ANKHD1: variants seen among roughly 807,000 people sequenced by gnomAD.
The protein encoded by ANKHD1 is ankyrin repeat and KH domain-containing protein 1.
ANKHD1 carries 31 observed loss-of-function variants against 230.5 expected under a neutral mutation model. The observed-to-expected ratio is 0.13, with a 90% CI of 0.10 to 0.18. The LOEUF (loss-of-function observed/expected upper bound fraction) is 0.18. ANKHD1 is among the 10% of genes least tolerant of loss of function. The pLI is 1.00. For synonymous variants in ANKHD1, 1,074 were observed against 1,117.6 expected (o/e 0.96, Z 0.78); for missense variants, 2,256 against 3,071.3 (o/e 0.73, Z 6.27).
intron 3 of ANKHD1, among the ~76,000 whole-genome samples, chr5:140,438,883 T>C (rs1428744973): frequency 6.6e-6 from 1 of 152,250 alleles, no homozygotes; most frequent in East Asian, 1.9e-4. Flanking sequence ...GAATAAGATC[T>C]GTTTTCCAGT....
chr5:140,411,542 C>T (rs1227396524), intron 1 of ANKHD1, among the ~76,000 whole-genome samples: 3 of 126,144 alleles, frequency 2.4e-5, no homozygotes, highest in Non-Finnish European at 3.2e-5. Context: ...TGTTTGAGAA[C>T]GGAGTCTCAC....
At chr5:140,449,951 G>T (rs1050953624) in intron 7 of ANKHD1, among the ~76,000 whole-genome samples, 1 of 152,064 alleles carries the variant, frequency 6.6e-6, no homozygotes, top group Non-Finnish European at 1.5e-5. Flanking sequence ...AAAGGATAAT[G>T]TAGAATCATA....
At chr5:140,526,717 A>G (rs1051397303) in intron 26 of ANKHD1, among the ~76,000 whole-genome samples, 1 of 152,146 alleles carries the variant, frequency 6.6e-6, no homozygotes, top group Non-Finnish European at 1.5e-5. Flanking sequence ...TTTATTGATT[A>G]TAGTCTAATT....
At chr5:140,510,971 A>T (rs1752741417) in intron 22 of ANKHD1, among the ~76,000 whole-genome samples, 2 of 152,032 alleles carry the variant, frequency 1.3e-5, no homozygotes, top group African/African-American at 4.8e-5. Context: ...CACAGGTGTC[A>T]CTACCATGCT....
chr5:140,480,799 C>A (rs1355460698), intron 10 of ANKHD1, among the ~76,000 whole-genome samples: 3 of 152,024 alleles, frequency 2.0e-5, no homozygotes, highest in Admixed American at 2.0e-4. Context: ...TTTAATCACT[C>A]CATTGTTTAA....
At chr5:140,419,832 T>G (rs1215664728) in intron 1 of ANKHD1, among the ~76,000 whole-genome samples, 6 of 139,152 alleles carry the variant, frequency 4.3e-5, no homozygotes, top group African/African-American at 1.6e-4. Flanking sequence ...CTTTCTTTCT[T>G]TCTTTTTCTT....
rs946364628 is a variant in ANKHD1, at chr5:140,438,041, A to G, written c.461-420A>G. On this transcript the variant is annotated intron_variant, in intron 2 of 33. Transcript: ENST00000360839. ...AAGATGGTTGTGACCAAAGGAAGAA[A>G]CAATTGAATTGTTTGTTACAGTATT... is the stretch of plus-strand genomic sequence containing the variant. Among the ~76,000 whole-genome samples the G allele has an allele frequency of 4.6e-5, 7 of 152,314 alleles. No homozygotes were observed. The South Asian group carries it at 1.2e-3, about 27-fold the overall frequency.
chr5:140,507,779 CTT>C lies in ANKHD1; in HGVS notation c.3552-4_3552-3del. ...TTTAATTTTCTAAGCACATTTCCCC[CTT>C]TAGGACTGGGAGTAAACTAGGTATT... On this transcript the variant is annotated splice_polypyrimidine_tract_variant and splice_region_variant and intron_variant, in intron 19 of 33. Coordinates refer to ENST00000360839, the MANE Select transcript of ANKHD1 (RefSeq NM_017747.3). The surrounding 1 kb of genome is among the most constrained non-coding windows in gnomAD (Gnocchi z 4.1). 2 of 1,613,834 alleles carry C rather than the reference CTT, an allele frequency of 1.2e-6. No individual in the cohort carries two copies. Among genetic ancestry groups the C allele is most frequent in the Non-Finnish European group, 1.7e-6 (2 of 1,179,820 alleles).
At chr5:140,483,544 G>A (rs957202926) in intron 11 of ANKHD1, among the ~76,000 whole-genome samples, 1 of 137,232 alleles carries the variant, frequency 7.3e-6, no homozygotes, top group Non-Finnish European at 1.5e-5. Flanking sequence ...TGCAACCTCC[G>A]CCTCCCGGGT....
At chr5:140,406,377 G>GC (rs1475537166) in intron 1 of ANKHD1, among the ~76,000 whole-genome samples, 2 of 152,144 alleles carry the variant, frequency 1.3e-5, no homozygotes, top group East Asian at 3.9e-4. Flanking sequence ...GAAATGTGGA[G>GC]CCCTAGTATT....
In ANKHD1 at chr5:140,537,582, T is replaced by C. The variant is rs1693394262; in HGVS notation, c.7221T>C (p.Ala2407=). The change falls in exon 31 of 34, where the codon GCT becomes GCC. Residue 2407 remains alanine (A), a synonymous_variant. Coordinates refer to ENST00000360839, the MANE Select transcript of ANKHD1 (RefSeq NM_017747.3). ...GAATCTGGTCATTTGGTGTCAATGC[T>C]GTGTCAGGTACAATTGCCTTGCTCT... The part of the protein sequence containing the change: ...HSGIWSFGVN[A]VSEGLSGWSQ... 3 of 1,579,802 alleles carry C rather than the reference T, an allele frequency of 1.9e-6. No individual in the cohort carries two copies. The highest frequency in any genetic ancestry group is 1.2e-5 in the South Asian group (1 of 84,800).
At chr5:140,500,837 A>G (rs1316811616) in intron 15 of ANKHD1, among the ~76,000 whole-genome samples, 2 of 151,864 alleles carry the variant, frequency 1.3e-5, no homozygotes, top group South Asian at 2.1e-4. Context: ...TCGAAATTCT[A>G]TTAATCATTT....
At chr5:140,409,085 A>G (rs1218434884) in intron 1 of ANKHD1, among the ~76,000 whole-genome samples, 2 of 152,120 alleles carry the variant, frequency 1.3e-5, no homozygotes, top group East Asian at 3.9e-4. Context: ...TAGGGACAAA[A>G]TCACTCCTGG....
intron 7 of ANKHD1, among the ~76,000 whole-genome samples, chr5:140,453,998 A>G (rs1490280279): frequency 6.6e-6 from 1 of 152,236 alleles, no homozygotes; most frequent in East Asian, 1.9e-4. Context: ...ACATAGGTTC[A>G]AAATAAAGGG....
intron 14 of ANKHD1, among the ~76,000 whole-genome samples, chr5:140,495,281 G>T (rs1046491129): frequency 1.4e-5 from 2 of 140,324 alleles, no homozygotes; most frequent in African/African-American, 5.4e-5. Context: ...ATGGAGTCTC[G>T]CTCTCTCAGG....
intron 7 of ANKHD1, among the ~76,000 whole-genome samples, chr5:140,457,445 G>A (rs1210355184): frequency 6.6e-6 from 1 of 152,174 alleles, no homozygotes; most frequent in Non-Finnish European, 1.5e-5. Flanking sequence ...CAAAGACTTG[G>A]AACCAAGCCA....
chr5:140,488,277 A>T (rs556192256), intron 14 of ANKHD1, among the ~76,000 whole-genome samples: 25 of 152,032 alleles, frequency 1.6e-4, no homozygotes, highest in Non-Finnish European at 3.4e-4. Flanking sequence ...TTGGCTTTGG[A>T]AACTCAATAC....
At chr5:140,465,651 G>A (rs1776030073) in intron 10 of ANKHD1, among the ~76,000 whole-genome samples, 1 of 152,112 alleles carries the variant, frequency 6.6e-6, no homozygotes, top group Non-Finnish European at 1.5e-5. Flanking sequence ...CATCCAAGTA[G>A]ATACCTGAGA....
At chr5:140,455,772 A>G (rs540286628) in intron 7 of ANKHD1, among the ~76,000 whole-genome samples, 1 of 152,334 alleles carries the variant, frequency 6.6e-6, no homozygotes, top group Non-Finnish European at 1.5e-5. Context: ...TGAATGGGCA[A>G]AAACTGGAAG....
Sources: allele counts gnomAD v4.1 joint callset (sites outside exome capture counted in the v4.1 genomes callset), GRCh38; gene constraint gnomAD v4.1.1; non-coding constraint Gnocchi (gnomAD v3.1); transcripts MANE v1.5; gene names NCBI Gene and HGNC (gene_info 2026-07-23, HGNC 2026-07-21).